SCN8A: variants seen among roughly 807,000 people sequenced by gnomAD.
SCN8A encodes the protein sodium channel protein type 8 subunit alpha.
A neutral mutation model predicts 184.1 loss-of-function variants in SCN8A; 30 were observed. The observed-to-expected ratio is 0.16, with a 90% CI of 0.12 to 0.22. The LOEUF (loss-of-function observed/expected upper bound fraction) is 0.22. Ranked by LOEUF, SCN8A falls within the 10% of genes least tolerant of loss-of-function variation. The pLI is 1.00. For missense variants in SCN8A, 1,057 were observed against 2,498.9 expected (o/e 0.42, Z 12.30); for synonymous variants, 852 against 907.0 (o/e 0.94, Z 1.09).
intron 1 of SCN8A, among the ~76,000 whole-genome samples, chr12:51,597,306 A>T (rs1444425283): frequency 6.6e-6 from 1 of 152,130 alleles, no homozygotes; most frequent in East Asian, 1.9e-4. Context: ...CAGGATCTGG[A>T]AGTGGAAAGC....
In SCN8A at chr12:51,811,061, A is replaced by G. The variant is rs530521006; in HGVS notation, c.*3632A>G. 3.9e-5 allele frequency: 6 copies of G among 152,362 alleles called. No individual in the cohort carries two copies. In the East Asian group the frequency reaches 9.6e-4, roughly 24 times the overall value. The allele number at this position is 152,362 out of a possible 1,614,324, so 9.4% of individuals were successfully genotyped here. A position where few individuals can be genotyped will look rare whatever the true frequency, so the allele number is the denominator to read the frequency against. On this transcript the variant is annotated 3_prime_UTR_variant, in exon 27 of 27. Transcript: ENST00000627620. ...TGATAAAAAGTCCATCACTCCTCTAAGCCAAAAGGAAACAAAATAAAAATG... is the reference window on the plus strand; with the variant it reads ...TGATAAAAAGTCCATCACTCCTCTAGGCCAAAAGGAAACAAAATAAAAATG...
chr12:51,744,235 A>G (rs1942472248), intron 12 of SCN8A, among the ~76,000 whole-genome samples: 1 of 152,206 alleles, frequency 6.6e-6, no homozygotes, highest in Non-Finnish European at 1.5e-5. Flanking sequence ...CCTCAGAGGC[A>G]GAGGTTGCGG....
chr12:51,760,832 T>C (rs754697855), intron 14 of SCN8A, among the ~76,000 whole-genome samples: 3 of 152,226 alleles, frequency 2.0e-5, no homozygotes, highest in Non-Finnish European at 4.4e-5. Flanking sequence ...CAGAAAAGCA[T>C]ATGAACACCG....
chr12:51,702,749 C>T, intron 8 of SCN8A, 24 bp from the exon 9 acceptor site: 1 of 1,552,886 alleles, frequency 6.4e-7, no homozygotes, highest in Non-Finnish European at 8.7e-7. Flanking sequence ...TTGAAAAGTC[C>T]TGAACTTCCC....
chr12:51,715,309 C>T (rs530503461), intron 11 of SCN8A, among the ~76,000 whole-genome samples: 72 of 152,170 alleles, frequency 4.7e-4, no homozygotes, highest in African/African-American at 1.6e-3. Flanking sequence ...TCTTATCATC[C>T]TTATCACTAT....
chr12:51,692,091 T>A lies in SCN8A; in HGVS notation c.706+2995T>A, dbSNP rs571472289. Reference sequence around the variant, plus strand: ...TATACCAAGTTTTCTCGTGGATCACTTCAGTGGAATTGTTGTTCTCTTTGT... The same window carrying A: ...TATACCAAGTTTTCTCGTGGATCACATCAGTGGAATTGTTGTTCTCTTTGT... On this transcript the variant is annotated intron_variant, in intron 6 of 26. Coordinates refer to ENST00000627620, the MANE Select transcript of SCN8A (RefSeq NM_001330260.2). Among the ~76,000 whole-genome samples the A allele has an allele frequency of 4.7e-4, 71 of 152,344 alleles. 1 individual carries two copies. The highest frequency in any genetic ancestry group is 3.4e-3 in the Middle Eastern group (1 of 294).
chr12:51,755,103 G>C (rs1209040615), intron 14 of SCN8A, among the ~76,000 whole-genome samples: 1 of 152,166 alleles, frequency 6.6e-6, no homozygotes, highest in East Asian at 1.9e-4. Context: ...CAAGAGTTAA[G>C]TTCCTATGGC....
intron 11 of SCN8A, chr12:51,713,512 TCTGGTTC>T: frequency 1.3e-6 from 1 of 761,816 alleles, no homozygotes; most frequent in South Asian, 1.4e-5. Context: ...TCTCAACTGC[TCTGGTTC>T]CTTTGGGTCA....
intron 1 of SCN8A, among the ~76,000 whole-genome samples, chr12:51,661,649 A>G (rs1279130322): frequency 6.6e-6 from 1 of 152,168 alleles, no homozygotes; most frequent in Non-Finnish European, 1.5e-5. Flanking sequence ...GATTGTTCTT[A>G]TGGTGTTCAC....
intron 15 of SCN8A, among the ~76,000 whole-genome samples, chr12:51,764,602 A>G (rs914755653): frequency 4.6e-5 from 7 of 152,020 alleles, no homozygotes; most frequent in African/African-American, 1.7e-4. Flanking sequence ...GTTGCTGCAC[A>G]CCAGCCTGGG....
intron 12 of SCN8A, among the ~76,000 whole-genome samples, chr12:51,731,685 C>A (rs981445842): frequency 6.6e-6 from 1 of 152,058 alleles, no homozygotes; most frequent in Admixed American, 6.6e-5. Flanking sequence ...ACATTCCCAC[C>A]AAGAGTGTAC....
intron 26 of SCN8A, among the ~76,000 whole-genome samples, chr12:51,795,157 C>T (rs1938373385): frequency 6.6e-6 from 1 of 152,096 alleles, no homozygotes; most frequent in Admixed American, 6.6e-5. Flanking sequence ...TCATTTGATT[C>T]TTATTACATC....
At position 51,765,828 on chromosome 12, in the gene SCN8A, A is replaced by G. The variant is rs1942829767; in HGVS notation, c.2702A>G (p.Tyr901Cys). ...VVGMQLFGKS[Y>C]KECVCKINQD... ...GGGATGCAACTCTTTGGAAAAAGCTACAAAGAGTGTGTCTGCAAGATCAAC... is the reference window on the plus strand; with the variant it reads ...GGGATGCAACTCTTTGGAAAAAGCTGCAAAGAGTGTGTCTGCAAGATCAAC... Residue 901 changes from tyrosine to cysteine, a missense_variant, in exon 16 of 27, where the codon TAC (tyrosine) becomes TGC (cysteine). Around this residue, in one of 19 missense-constraint regions of SCN8A, gnomAD observed 66 missense variants for 310.6 expected, o/e 0.21. Transcript: ENST00000627620. 6.2e-7 allele frequency: 1 copy of G among 1,614,022 alleles called. No individual in the cohort carries two copies. The highest frequency in any genetic ancestry group is 2.2e-5 in the East Asian group (1 of 44,872).
chr12:51,722,061 C>A, intron 12 of SCN8A, 153 bp downstream of exon 12: 1 of 1,208,626 alleles, frequency 8.3e-7, no homozygotes, highest in Non-Finnish European at 1.2e-6. Context: ...CTGTTAACAC[C>A]CCAGCCATTT....
In SCN8A at chr12:51,806,481, C is replaced by T. The variant is rs1938705785; in HGVS notation, c.4995C>T (p.Phe1665=). 6.2e-7 allele frequency: 1 copy of T among 1,614,190 alleles called. No homozygotes were observed. Among genetic ancestry groups the T allele is most frequent in the African/African-American group, 1.3e-5 (1 of 75,046 alleles). ...TGCTCTTCCTGGTCATGTTCATCTT[C>T]TCCATTTTTGGGATGTCCAATTTTG... ...GLLLFLVMFI[F]SIFGMSNFAY... Residue 1665 remains phenylalanine (F), a synonymous_variant, in exon 27 of 27, where the codon TTC becomes TTT. Transcript: ENST00000627620. This position sits in a 1 kb window ranked among gnomAD's most constrained non-coding sequence, Gnocchi z 8.7.
At chr12:51,604,045 A>G (rs2138563211) in intron 1 of SCN8A, among the ~76,000 whole-genome samples, 1 of 152,248 alleles carries the variant, frequency 6.6e-6, no homozygotes, top group African/African-American at 2.4e-5. Flanking sequence ...TAGTGTTTTT[A>G]TAGAGCTAAA....
chr12:51,602,272 T>C (rs938791163), intron 1 of SCN8A, among the ~76,000 whole-genome samples: 1 of 152,190 alleles, frequency 6.6e-6, no homozygotes, highest in Non-Finnish European at 1.5e-5. Flanking sequence ...AACATCACTA[T>C]GTACCCCATA....
chr12:51,765,406 G>T (rs1200822308), intron 15 of SCN8A, among the ~76,000 whole-genome samples: 1 of 152,068 alleles, frequency 6.6e-6, no homozygotes, highest in Non-Finnish European at 1.5e-5. Context: ...GACTGACTCA[G>T]ATCTAAAGTA....
chr12:51,721,674 C>T lies in SCN8A; in HGVS notation c.1764C>T (p.His588=), dbSNP rs767887752. 6.2e-7 allele frequency: 1 copy of T among 1,601,438 alleles called. No individual in the cohort carries two copies. The highest frequency in any genetic ancestry group is 1.1e-5 in the South Asian group (1 of 89,236). The change falls in exon 12 of 27, where the codon CAC becomes CAT. Residue 588 remains histidine (H), a synonymous_variant. Transcript: ENST00000627620. ...GSENEFADDE[H]STVEESEGRR... is the part of the protein sequence containing the mutation. ...AGAATGAGTTCGCGGATGACGAGCA[C>T]AGCACGGTGGAGGAGAGCGAGGGCC...
Sources: gnomAD v4.1 joint callset for allele counts (sites outside exome capture counted in the v4.1 genomes callset) on GRCh38, gnomAD v4.1.1 for gene constraint, gnomAD v4.1.1 regional missense constraint, Gnocchi (gnomAD v3.1) non-coding constraint, MANE v1.5 for transcripts, NCBI Gene and HGNC (gene_info 2026-07-23, HGNC 2026-07-21) for gene names.